PDE10A: variants seen among roughly 807,000 people sequenced by gnomAD.
PDE10A encodes the protein cAMP and cAMP-inhibited cGMP 3',5'-cyclic phosphodiesterase 10A.
A neutral mutation model predicts 97.7 loss-of-function variants in PDE10A; 39 were observed. The ratio of observed to expected loss-of-function variants is 0.40; its 90% CI spans 0.31 to 0.52. The LOEUF (loss-of-function observed/expected upper bound fraction) is 0.52, where lower values mean the gene tolerates loss of function less well. PDE10A is among the 20% of genes least tolerant of loss of function. PDE10A has a pLI of 0.56. For synonymous variants in PDE10A, 371 were observed against 376.8 expected (o/e 0.98, Z 0.18); for missense variants, 731 against 1,047.8 (o/e 0.70, Z 4.17).
At chr6:165,587,542 A>C (rs1294918914) in intron 1 of PDE10A, among the ~76,000 whole-genome samples, 2 of 152,218 alleles carry the variant, frequency 1.3e-5, no homozygotes, top group Non-Finnish European at 2.9e-5. Flanking sequence ...TAACATTAGA[A>C]GTACTGATAG....
chr6:165,855,843 T>G lies in PDE10A; in HGVS notation c.-615+131686A>C, dbSNP rs144736701. Among the ~76,000 whole-genome samples, 5 of 152,242 alleles carry G rather than the reference T, an allele frequency of 3.3e-5. No individual in the cohort carries two copies. In the East Asian group the frequency reaches 7.8e-4, roughly 24 times the overall value. ...TCAGGTCCAATGGGCACAGCCACTT[T>G]GTGCATGGAGGAAACGTCGGAAGTG... is the stretch of plus-strand genomic sequence containing the variant. On this transcript the variant is annotated intron_variant, in intron 1 of 19. Coordinates refer to the PDE10A transcript ENST00000366882.
At chr6:165,843,248 G>A (rs983771453) in intron 1 of PDE10A, among the ~76,000 whole-genome samples, 1 of 152,188 alleles carries the variant, frequency 6.6e-6, no homozygotes, top group East Asian at 1.9e-4. Flanking sequence ...TGCCTTATAG[G>A]CTCGCAAGGT....
chr6:165,484,400 G>A (rs1377512370), intron 2 of PDE10A, among the ~76,000 whole-genome samples: 1 of 152,232 alleles, frequency 6.6e-6, no homozygotes, highest in African/African-American at 2.4e-5. Context: ...CTCTGTCACT[G>A]CGTTACTGCC....
At chr6:165,546,953 T>C (rs1371893042) in intron 1 of PDE10A, among the ~76,000 whole-genome samples, 1 of 152,094 alleles carries the variant, frequency 6.6e-6, no homozygotes, top group Non-Finnish European at 1.5e-5. Flanking sequence ...ATTGCATACA[T>C]ACAGCACCTA....
chr6:165,656,663 T>C (rs1322031000), intron 1 of PDE10A, among the ~76,000 whole-genome samples: 1 of 152,130 alleles, frequency 6.6e-6, no homozygotes, highest in African/African-American at 2.4e-5. Context: ...GTCCAGGCTG[T>C]TTTCCACCCT....
chr6:165,385,411 T>G (rs1402615162), intron 17 of PDE10A, among the ~76,000 whole-genome samples: 3 of 151,678 alleles, frequency 2.0e-5, no homozygotes, highest in African/African-American at 7.3e-5. Context: ...GGTACGAGAG[T>G]CCTCAGGGCA....
At chr6:165,392,868 T>G in intron 15 of PDE10A, 72 bp from the exon 16 acceptor site, 1 of 1,334,208 alleles carries the variant, frequency 7.5e-7, no homozygotes, top group Non-Finnish European at 1.1e-6. Context: ...CTCCCTAGTT[T>G]AGGTACATAT....
chr6:165,769,785 T>A lies in PDE10A; in HGVS notation c.-615+217744A>T, dbSNP rs150957217. On this transcript the variant is annotated intron_variant, in intron 1 of 19. Coordinates refer to the PDE10A transcript ENST00000366882. Reference sequence around the variant, plus strand: ...ATGGAATAGAGCAGAGAGAGGGCATTGGTGCTCCGTTTTGAGAACTAAGCT... The same window carrying A: ...ATGGAATAGAGCAGAGAGAGGGCATAGGTGCTCCGTTTTGAGAACTAAGCT... Among the ~76,000 whole-genome samples the A allele has an allele frequency of 6.0e-3, 911 of 152,310 alleles. 3 individuals are homozygous for A. Among genetic ancestry groups the A allele is most frequent in the South Asian group, 0.014 (68 of 4,828 alleles).
At chr6:165,674,612 T>A (rs1019706213) in intron 1 of PDE10A, among the ~76,000 whole-genome samples, 22 of 152,288 alleles carry the variant, frequency 1.4e-4, no homozygotes, top group Admixed American at 7.8e-4. Context: ...TCGCTAATGA[T>A]CTTTTCGCCT....
chr6:165,946,650 G>A (rs1462372269), intron 1 of PDE10A: 1 of 152,116 alleles, frequency 6.6e-6, no homozygotes, highest in Non-Finnish European at 1.5e-5. Flanking sequence ...ATTCCACAAT[G>A]TATATATATT....
At chr6:165,881,188 C>A (rs1022791544) in intron 1 of PDE10A, among the ~76,000 whole-genome samples, 1 of 152,104 alleles carries the variant, frequency 6.6e-6, no homozygotes, top group Non-Finnish European at 1.5e-5. Context: ...GAACACCAGG[C>A]AATGCTTTGG....
chr6:165,652,724 C>G (rs1342258094), intron 1 of PDE10A, among the ~76,000 whole-genome samples: 1 of 152,200 alleles, frequency 6.6e-6, no homozygotes, highest in Non-Finnish European at 1.5e-5. Flanking sequence ...GCTTCTTACA[C>G]AGTACTTACC....
chr6:165,745,578 T>C (rs1035267761), intron 1 of PDE10A, among the ~76,000 whole-genome samples: 5 of 152,196 alleles, frequency 3.3e-5, no homozygotes, highest in African/African-American at 1.2e-4. Context: ...AAACCACTGG[T>C]TTATCATTAA....
chr6:165,745,686 T>G (rs1053202443), intron 1 of PDE10A, among the ~76,000 whole-genome samples: 1 of 152,254 alleles, frequency 6.6e-6, no homozygotes, highest in Non-Finnish European at 1.5e-5. Flanking sequence ...TCTCTGTTCC[T>G]TTTTTAAAGG....
chr6:165,793,568 C>G (rs894839040), intron 1 of PDE10A, among the ~76,000 whole-genome samples: 5 of 152,142 alleles, frequency 3.3e-5, no homozygotes, highest in Non-Finnish European at 7.4e-5. Flanking sequence ...CCTGTGCTCT[C>G]CACACCCCCA....
chr6:165,409,853 T>C (rs1787591283), intron 13 of PDE10A, among the ~76,000 whole-genome samples: 1 of 151,344 alleles, frequency 6.6e-6, no homozygotes, highest in Non-Finnish European at 1.5e-5. Context: ...AAATAATCAA[T>C]GTAAAAATGG....
chr6:165,415,126 C>A (rs1184136682), intron 12 of PDE10A, among the ~76,000 whole-genome samples: 1 of 152,118 alleles, frequency 6.6e-6, no homozygotes. Flanking sequence ...TTTTCATTTT[C>A]TTAATAGTCT....
At chr6:165,386,386 G>A (rs1034975777) in intron 17 of PDE10A, among the ~76,000 whole-genome samples, 3 of 152,144 alleles carry the variant, frequency 2.0e-5, no homozygotes, top group African/African-American at 7.2e-5. Context: ...CCTTTCTAAA[G>A]AAACTCTATA....
intron 1 of PDE10A, among the ~76,000 whole-genome samples, chr6:165,648,413 A>T (rs1177422717): frequency 3.9e-5 from 6 of 152,070 alleles, no homozygotes; most frequent in African/African-American, 7.2e-5. Flanking sequence ...GATATCGATT[A>T]AAAAAAGAAA....
Sources: gnomAD v4.1 joint callset for allele counts (sites outside exome capture counted in the v4.1 genomes callset) on GRCh38, gnomAD v4.1.1 for gene constraint, MANE v1.5 for transcripts, NCBI Gene and HGNC (gene_info 2026-07-23, HGNC 2026-07-21) for gene names.